MYO1H: variants seen among roughly 807,000 people sequenced by gnomAD.
MYO1H encodes the protein myosin IH.
A neutral mutation model predicts 149.3 loss-of-function variants in MYO1H; 118 were observed. The ratio of observed to expected loss-of-function variants is 0.79; its 90% CI spans 0.68 to 0.92. The LOEUF is 0.92. Ranked by LOEUF, MYO1H falls within the 40% of genes least tolerant of loss-of-function variation. The pLI is 0.00. For missense variants in MYO1H, 1,212 were observed against 1,280.7 expected, an observed-to-expected ratio of 0.95 and a Z score of 0.82; for synonymous variants, 447 against 465.2, an observed-to-expected ratio of 0.96 and a Z score of 0.50.
At position 109,445,952 on chromosome 12, in the gene MYO1H, G is replaced by A. The variant is rs151259945; in HGVS notation, c.3093+340G>A. On this transcript the variant is annotated intron_variant, in intron 31 of 31. Transcript: ENST00000310903. ...ATAACTATCCATAACTTCCCCCCACGTGGAAATCAATGCGCTTGTGTCCCA... is the reference window on the plus strand; with the variant it reads ...ATAACTATCCATAACTTCCCCCCACATGGAAATCAATGCGCTTGTGTCCCA... 436 of 985,392 alleles carry A rather than the reference G, an allele frequency of 4.4e-4. 5 individuals carry two copies. In the East Asian group the frequency reaches 0.016, roughly 36 times the overall value. The allele number at this position is 985,392 out of a possible 1,614,324, so 61.0% of individuals were successfully genotyped here.
At position 109,423,325 on chromosome 12, in the gene MYO1H, A is replaced by AT. The variant is rs544567238; in HGVS notation, c.1645-1415dup. 1.1e-3 allele frequency among the ~76,000 whole-genome samples: 171 copies of AT among 151,678 alleles called. 2 individuals carry two copies. In the East Asian group the frequency reaches 0.027, roughly 24 times the overall value. ...AGGCATATGCCACCACACCAGGCTA[A>AT]TTTTTTTTGTATTTTTAGTAGAGAC... On this transcript the variant is annotated intron_variant, in intron 16 of 31. Transcript: ENST00000310903.
chr12:109,412,619 T>C (rs1035436677), intron 14 of MYO1H, among the ~76,000 whole-genome samples: 2 of 152,046 alleles, frequency 1.3e-5, no homozygotes, highest in African/African-American at 4.8e-5. Flanking sequence ...TTTTTGTACT[T>C]GTATGTGCCT....
chr12:109,396,027 T>G (rs1592791420), intron 3 of MYO1H, among the ~76,000 whole-genome samples: 3 of 152,040 alleles, frequency 2.0e-5, no homozygotes, highest in African/African-American at 7.2e-5. Flanking sequence ...CAAGCAATTC[T>G]CCTGCCTCAG....
intron 5 of MYO1H, among the ~76,000 whole-genome samples, chr12:109,398,527 C>T (rs1870013230): frequency 6.6e-6 from 1 of 151,854 alleles, no homozygotes; most frequent in African/African-American, 2.4e-5. Flanking sequence ...GGGTGGATTA[C>T]CTGAGGTCAG....
chr12:109,395,055 T>TGCCCAGCCACCAC (rs1869832169), intron 3 of MYO1H, among the ~76,000 whole-genome samples: 1 of 152,168 alleles, frequency 6.6e-6, no homozygotes, highest in Non-Finnish European at 1.5e-5. Context: ...TGAGCCACCA[T>TGCCCAGCCACCAC]GCCCAGCCAC....
intron 1 of MYO1H, among the ~76,000 whole-genome samples, chr12:109,350,212 T>C (rs1167622459): frequency 6.6e-6 from 1 of 152,044 alleles, no homozygotes; most frequent in African/African-American, 2.4e-5. Flanking sequence ...ATGCAAATCA[T>C]CTGGGCAGTT....
At chr12:109,310,682 G>T in the MYO1H span, among the ~76,000 whole-genome samples, 1 of 152,146 alleles carries the variant, frequency 6.6e-6, no homozygotes, top group Non-Finnish European at 1.5e-5. Context: ...GGTGTGCCTG[G>T]ATTTCAAGTT....
chr12:109,324,400 G>C, the MYO1H span, among the ~76,000 whole-genome samples: 16 of 152,304 alleles, frequency 1.1e-4, no homozygotes, highest in South Asian at 3.3e-3. Context: ...CCTTTTGATA[G>C]GGGAGTGGCA....
chr12:109,318,093 G>A, the MYO1H span, among the ~76,000 whole-genome samples: 2 of 152,164 alleles, frequency 1.3e-5, no homozygotes. Context: ...TTGGTACATA[G>A]CTTAAAAAAG....
chr12:109,333,804 T>G, the MYO1H span, among the ~76,000 whole-genome samples: 38 of 152,326 alleles, frequency 2.5e-4, no homozygotes, highest in African/African-American at 9.1e-4. Context: ...GGACTTAGAA[T>G]GTTTTCAGGT....
intron 10 of MYO1H, among the ~76,000 whole-genome samples, chr12:109,409,186 T>TTTCTCCTTCTCC (rs377425465): frequency 2.0e-5 from 3 of 149,148 alleles, no homozygotes; most frequent in African/African-American, 7.7e-5. Context: ...TATAGGTCCT[T>TTTCTCCTTCTCC]TTCTCCATCT....
intron 3 of MYO1H, among the ~76,000 whole-genome samples, chr12:109,396,038 C>A (rs569650224): frequency 1.1e-3 from 167 of 152,118 alleles, no homozygotes; most frequent in African/African-American, 3.9e-3. Context: ...CCTGCCTCAG[C>A]CTCCCGAGTA....
the MYO1H span, among the ~76,000 whole-genome samples, chr12:109,312,496 A>T: frequency 6.6e-6 from 1 of 152,038 alleles, no homozygotes; most frequent in African/African-American, 2.4e-5. Flanking sequence ...CAGTCTCCCA[A>T]AGTGCTGGGA....
chr12:109,379,729 CTTTTTTTTTTTT>C (rs35773327), intron 1 of MYO1H, among the ~76,000 whole-genome samples: 3 of 103,470 alleles, frequency 2.9e-5, no homozygotes, highest in South Asian at 3.4e-4. Flanking sequence ...CAATTTTAAC[CTTTTTTTTTTTT>C]TTTTTTTTTT....
intron 8 of MYO1H, 56 bp downstream of exon 8, chr12:109,406,091 C>A: frequency 2.3e-6 from 3 of 1,310,746 alleles, no homozygotes; most frequent in Admixed American, 1.9e-5. Flanking sequence ...GAGAGAAGAG[C>A]GAGGTAGCTG....
chr12:109,343,071 C>A (rs571651761), upstream of MYO1H, among the ~76,000 whole-genome samples: 9 of 151,828 alleles, frequency 5.9e-5, no homozygotes, highest in Non-Finnish European at 1.2e-4. Context: ...ATAATAATAA[C>A]ATAAGCAAAA....
chr12:109,448,301 G>A (rs1872575106), exon 32 of MYO1H: 2 of 152,204 alleles, frequency 1.3e-5, no homozygotes, highest in Admixed American at 1.3e-4. Context: ...CATGGTCTGA[G>A]ACTAAGTAAA....
At chr12:109,424,975 A>C in intron 17 of MYO1H, 147 bp downstream of exon 17, 1 of 656,036 alleles carries the variant, frequency 1.5e-6, no homozygotes. Flanking sequence ...CTGTAATCTC[A>C]CACCTGTAAT....
the MYO1H span, among the ~76,000 whole-genome samples, chr12:109,328,905 G>A: frequency 2.0e-5 from 3 of 152,174 alleles, no homozygotes; most frequent in Non-Finnish European, 4.4e-5. Flanking sequence ...GAAATTCGCT[G>A]GGAGAGTAGA....
Sources: gnomAD v4.1 joint callset for allele counts (sites outside exome capture counted in the v4.1 genomes callset) on GRCh38, gnomAD v4.1.1 for gene constraint, MANE v1.5 for transcripts, NCBI Gene and HGNC (gene_info 2026-07-23, HGNC 2026-07-21) for gene names.